AGBL4: variants seen among roughly 807,000 people sequenced by gnomAD.
The protein encoded by AGBL4 is AGBL carboxypeptidase 4.
Under a neutral mutation model 66.4 loss-of-function variants are expected in AGBL4, and 58 were observed. The ratio of observed to expected loss-of-function variants is 0.87; its 90% CI spans 0.71 to 1.09. The LOEUF is 1.09. AGBL4 is among the 50% of genes least tolerant of loss of function. The pLI is 0.00. For synonymous variants in AGBL4, 234 were observed against 222.9 expected (o/e 1.05, Z -0.44); for missense variants, 579 against 631.0 (o/e 0.92, Z 0.88).
chr1:49,676,128 T>C (rs1382077240), intron 3 of AGBL4, among the ~76,000 whole-genome samples: 1 of 152,026 alleles, frequency 6.6e-6, no homozygotes, highest in Non-Finnish European at 1.5e-5. Flanking sequence ...AGAGGTAAAA[T>C]GGTTTACCTG....
chr1:49,337,472 T>C (rs1645459823), intron 3 of AGBL4, among the ~76,000 whole-genome samples: 1 of 152,206 alleles, frequency 6.6e-6, no homozygotes, highest in Non-Finnish European at 1.5e-5. Context: ...TTAGCCCTCA[T>C]ATTGGCAGTC....
chr1:48,726,530 ACTAT>A (rs752943119), intron 6 of AGBL4, among the ~76,000 whole-genome samples: 41 of 152,332 alleles, frequency 2.7e-4, no homozygotes, highest in African/African-American at 9.1e-4. Flanking sequence ...GCACATATTA[ACTAT>A]CTGTTATTAT....
intron 4 of AGBL4, among the ~76,000 whole-genome samples, chr1:49,192,953 G>A (rs561980369): frequency 1.3e-5 from 2 of 152,276 alleles, no homozygotes; most frequent in African/African-American, 4.8e-5. Flanking sequence ...AATCTTAGGA[G>A]GTTGTATGCT....
chr1:49,053,169 T>C (rs1271432798), intron 4 of AGBL4, among the ~76,000 whole-genome samples: 1 of 152,110 alleles, frequency 6.6e-6, no homozygotes, highest in Non-Finnish European at 1.5e-5. Flanking sequence ...ACACTAAGTG[T>C]GCTTAGGGTT....
intron 5 of AGBL4, among the ~76,000 whole-genome samples, chr1:49,044,875 G>A (rs1644039525): frequency 6.6e-6 from 1 of 152,174 alleles, no homozygotes; most frequent in Non-Finnish European, 1.5e-5. Flanking sequence ...AAGAAATGCA[G>A]ATCTGCTGAT....
chr1:49,979,063 T>C (rs899905651), intron 1 of AGBL4, among the ~76,000 whole-genome samples: 1 of 152,152 alleles, frequency 6.6e-6, no homozygotes. Context: ...AAGAAAAAGT[T>C]AGGTATGCCA....
At chr1:48,942,115 C>G (rs1305940625) in intron 5 of AGBL4, among the ~76,000 whole-genome samples, 2 of 152,160 alleles carry the variant, frequency 1.3e-5, no homozygotes, top group South Asian at 2.1e-4. Flanking sequence ...ATAGGAAAGC[C>G]TGAAAGTTGC....
intron 4 of AGBL4, among the ~76,000 whole-genome samples, chr1:49,145,351 T>G (rs1183980301): frequency 6.6e-6 from 1 of 152,198 alleles, no homozygotes; most frequent in African/African-American, 2.4e-5. Context: ...TTTGTTGAAC[T>G]TGAAAAGTTT....
chr1:49,753,089 G>A (rs2147842525), intron 2 of AGBL4, among the ~76,000 whole-genome samples: 1 of 152,320 alleles, frequency 6.6e-6, no homozygotes, highest in African/African-American at 2.4e-5. Flanking sequence ...ATATAGTTAT[G>A]TGTGAATTGG....
intron 1 of AGBL4, among the ~76,000 whole-genome samples, chr1:50,011,746 G>GGA (rs2148437765): frequency 6.6e-6 from 1 of 152,332 alleles, no homozygotes; most frequent in South Asian, 2.1e-4. Context: ...GGATGGAACT[G>GGA]GAGATCATTA....
intron 3 of AGBL4, among the ~76,000 whole-genome samples, chr1:49,507,335 A>G (rs1267772015): frequency 6.6e-6 from 1 of 152,016 alleles, no homozygotes; most frequent in African/African-American, 2.4e-5. Flanking sequence ...AGAGAGCCAA[A>G]TTGGGACCAA....
At chr1:49,472,191 T>C (rs960337701) in intron 3 of AGBL4, 1 of 152,066 alleles carries the variant, frequency 6.6e-6, no homozygotes, top group Non-Finnish European at 1.5e-5. Context: ...TTTCAGAGTA[T>C]TTATTGTCTG....
intron 5 of AGBL4, among the ~76,000 whole-genome samples, chr1:48,971,782 G>A (rs918930963): frequency 3.3e-5 from 5 of 152,188 alleles, no homozygotes; most frequent in East Asian, 3.9e-4. Flanking sequence ...TAAGTTCAGT[G>A]CATTTTACTG....
At chr1:48,545,654 TTG>T (rs1417327038) in intron 11 of AGBL4, among the ~76,000 whole-genome samples, 1 of 152,136 alleles carries the variant, frequency 6.6e-6, no homozygotes. Flanking sequence ...GTGTAGGTCA[TTG>T]ATCTGTTTCT....
chr1:49,605,928 T>A (rs563889908), intron 3 of AGBL4, among the ~76,000 whole-genome samples: 1 of 152,174 alleles, frequency 6.6e-6, no homozygotes, highest in African/African-American at 2.4e-5. Context: ...GAAAACATTC[T>A]AATTGTGAGG....
intron 3 of AGBL4, among the ~76,000 whole-genome samples, chr1:49,367,454 T>A (rs1644261105): frequency 1.3e-5 from 2 of 152,242 alleles, no homozygotes; most frequent in African/African-American, 4.8e-5. Flanking sequence ...TGACCAGAAG[T>A]ACATGTTTGT....
At chr1:49,413,145 C>T (rs1027263922) in intron 3 of AGBL4, among the ~76,000 whole-genome samples, 18 of 152,146 alleles carry the variant, frequency 1.2e-4, no homozygotes, top group African/African-American at 3.9e-4. Context: ...TTTACTGTCT[C>T]ATTGGGTGAT....
chr1:49,280,517 G>A (rs1291745957), intron 3 of AGBL4, among the ~76,000 whole-genome samples: 1 of 152,158 alleles, frequency 6.6e-6, no homozygotes, highest in Non-Finnish European at 1.5e-5. Flanking sequence ...CCAGAGGACT[G>A]AGTGCCAGGA....
chr1:49,191,685 T>C (rs2148208399), intron 4 of AGBL4, among the ~76,000 whole-genome samples: 1 of 152,306 alleles, frequency 6.6e-6, no homozygotes, highest in Middle Eastern at 3.4e-3. Flanking sequence ...CAATGTCTGC[T>C]CCCACTTATA....
Sources: allele counts gnomAD v4.1 joint callset (sites outside exome capture counted in the v4.1 genomes callset), GRCh38; gene constraint gnomAD v4.1.1; transcripts MANE v1.5; gene names NCBI Gene and HGNC (gene_info 2026-07-23, HGNC 2026-07-21).